The following RMDN2 variants were observed in gnomAD, a reference collection of about 807,000 sequenced individuals.
The protein encoded by RMDN2 is regulator of microtubule dynamics 2, also known as regulator of microtubule dynamics protein 2.
Under a neutral mutation model 52.8 loss-of-function variants are expected in RMDN2, and 61 were observed. That is an observed-to-expected ratio of 1.16 (90% CI 0.94 to 1.43). RMDN2 has a LOEUF of 1.43. Ranked by LOEUF, RMDN2 falls within the 40% of genes most tolerant of loss-of-function variation. RMDN2 has a pLI of 0.00. For synonymous variants in RMDN2, 180 were observed against 153.1 expected, an observed-to-expected ratio of 1.18 and a Z score of -1.30; for missense variants, 592 against 475.3, an observed-to-expected ratio of 1.25 and a Z score of -2.28.
chr2:38,011,200 T>C (rs568732078), intron 10 of RMDN2, among the ~76,000 whole-genome samples: 8 of 152,180 alleles, frequency 5.3e-5, no homozygotes, highest in Non-Finnish European at 7.4e-5. Context: ...ATGACAAAGA[T>C]GAAAAATATG....
At chr2:37,989,696 A>T (rs946184945) in intron 6 of RMDN2, 80 bp downstream of exon 6, 3 of 902,448 alleles carry the variant, frequency 3.3e-6, no homozygotes, top group South Asian at 3.1e-5. Flanking sequence ...AAATGTTTTA[A>T]TGTAGCCATA....
intron 1 of RMDN2, 36 bp from the exon 2 acceptor site, chr2:37,929,226 A>G: frequency 2.4e-6 from 3 of 1,246,698 alleles, no homozygotes; most frequent in East Asian, 5.1e-5. Context: ...CAAAGACATA[A>G]ACAACATTCA....
chr2:37,964,197 A>C (rs1670724841), intron 2 of RMDN2, among the ~76,000 whole-genome samples: 1 of 150,946 alleles, frequency 6.6e-6, no homozygotes, highest in Non-Finnish European at 1.5e-5. Flanking sequence ...TGCCGGGCGG[A>C]GGGGCTCCTC....
At chr2:37,944,684 G>A (rs1277778783) in intron 2 of RMDN2, among the ~76,000 whole-genome samples, 9 of 152,164 alleles carry the variant, frequency 5.9e-5, no homozygotes, top group African/African-American at 2.2e-4. Context: ...ATCTAGGCCT[G>A]TACAAATGAA....
chr2:37,977,430 C>A (rs1448864870), intron 4 of RMDN2, among the ~76,000 whole-genome samples: 1 of 147,762 alleles, frequency 6.8e-6, no homozygotes, highest in African/African-American at 2.5e-5. Flanking sequence ...GCAGAGGCGC[C>A]CCCACCTCCC....
downstream of RMDN2, among the ~76,000 whole-genome samples, chr2:38,018,877 C>T (rs1477951517): frequency 1.3e-5 from 2 of 152,170 alleles, no homozygotes; most frequent in African/African-American, 2.4e-5. Flanking sequence ...CATGGGTGCA[C>T]ATGCACGCAC....
intron 8 of RMDN2, among the ~76,000 whole-genome samples, chr2:38,001,798 A>G (rs1301272395): frequency 2.0e-5 from 3 of 152,232 alleles, no homozygotes; most frequent in Admixed American, 6.5e-5. Context: ...AAATGATTAG[A>G]CAAGAGAGAA....
chr2:38,017,165 G>A (rs761325496), intron 10 of RMDN2, 21 bp from the exon 11 acceptor site: 2 of 1,439,992 alleles, frequency 1.4e-6, no homozygotes, highest in Non-Finnish European at 1.9e-6. Flanking sequence ...ATTTCATTAT[G>A]TATTTGTATT....
chr2:38,026,323 T>A (rs1679779703), intron 10 of RMDN2, among the ~76,000 whole-genome samples: 1 of 152,164 alleles, frequency 6.6e-6, no homozygotes, highest in Non-Finnish European at 1.5e-5. Context: ...TCTTGATATT[T>A]GTAATTTGTG....
At chr2:38,049,760 G>A (rs1186982804) in intron 10 of RMDN2, among the ~76,000 whole-genome samples, 2 of 152,042 alleles carry the variant, frequency 1.3e-5, no homozygotes, top group Non-Finnish European at 2.9e-5. Flanking sequence ...TGTAGAGATG[G>A]GGTCTTGGTA....
At chr2:38,062,597 C>A (rs1306681558) in intron 10 of RMDN2, among the ~76,000 whole-genome samples, 1 of 151,932 alleles carries the variant, frequency 6.6e-6, no homozygotes, top group Non-Finnish European at 1.5e-5. Flanking sequence ...GGAGTGGGGT[C>A]ATACTGTAGC....
intron 10 of RMDN2, among the ~76,000 whole-genome samples, chr2:38,045,504 C>T (rs559097516): frequency 6.6e-6 from 1 of 152,318 alleles, no homozygotes; most frequent in Non-Finnish European, 1.5e-5. Context: ...TTCTTCCTCA[C>T]CTTTTAGAAT....
At chr2:38,021,056 G>C (rs564214802), downstream of RMDN2, among the ~76,000 whole-genome samples, 2 of 152,296 alleles carry the variant, frequency 1.3e-5, no homozygotes, top group Non-Finnish European at 2.9e-5. Flanking sequence ...CTAGCTCAAG[G>C]TTTGTAAACA....
At chr2:37,935,413 T>C (rs563776017) in intron 2 of RMDN2, among the ~76,000 whole-genome samples, 1 of 152,246 alleles carries the variant, frequency 6.6e-6, no homozygotes, top group Admixed American at 6.5e-5. Context: ...AATGTGGAAC[T>C]TCAGTTGTTC....
At chr2:38,011,485 A>G (rs145838487) in intron 10 of RMDN2, among the ~76,000 whole-genome samples, 281 of 152,316 alleles carry the variant, frequency 1.8e-3, no homozygotes, top group Non-Finnish European at 1.7e-3. Context: ...CTCAGTAAAA[A>G]AAACCCTCCT....
intron 2 of RMDN2, chr2:37,951,347 T>C (rs1245456067): frequency 3.1e-6 from 5 of 1,613,096 alleles, no homozygotes; most frequent in Non-Finnish European, 4.2e-6. Context: ...CTCTTGGTCA[T>C]AAAACATCTT....
intron 2 of RMDN2, among the ~76,000 whole-genome samples, chr2:37,955,859 T>G (rs551105642): frequency 6.6e-6 from 1 of 152,190 alleles, no homozygotes; most frequent in South Asian, 2.1e-4. Context: ...TTACATTGGC[T>G]GATTTTTACA....
At chr2:37,956,014 A>C (rs548259680) in intron 2 of RMDN2, among the ~76,000 whole-genome samples, 5 of 152,084 alleles carry the variant, frequency 3.3e-5, no homozygotes, top group African/African-American at 1.2e-4. Context: ...AGTTTTCTTT[A>C]CTGGTAGTGT....
intron 5 of RMDN2, among the ~76,000 whole-genome samples, chr2:37,987,045 A>G (rs918118970): frequency 1.3e-5 from 2 of 152,094 alleles, no homozygotes; most frequent in African/African-American, 2.4e-5. Flanking sequence ...AATTGTTTGC[A>G]AAGACAATGA....
Sources: gnomAD v4.1 joint callset for allele counts (sites outside exome capture counted in the v4.1 genomes callset) on GRCh38, gnomAD v4.1.1 for gene constraint, MANE v1.5 for transcripts, NCBI Gene and HGNC (gene_info 2026-07-23, HGNC 2026-07-21) for gene names.